Variants in PALS2 observed in about 807,000 individuals in gnomAD.
The protein encoded by PALS2 is protein PALS2.
In PALS2, 27 loss-of-function variants were observed where a neutral mutation model predicts 61.6. The observed-to-expected ratio is 0.44, with a 90% CI of 0.32 to 0.60. The LOEUF (loss-of-function observed/expected upper bound fraction) is 0.60, where lower values mean the gene tolerates loss of function less well. Among genes scored for constraint, PALS2 ranks in the 20% least tolerant of loss-of-function variants. The pLI, the probability that PALS2 is intolerant of heterozygous loss-of-function variation, is 0.05. For missense variants in PALS2, 554 were observed against 639.4 expected, an observed-to-expected ratio of 0.87 and a Z score of 1.44; for synonymous variants, 236 against 218.6, an observed-to-expected ratio of 1.08 and a Z score of -0.70.
intron 2 of PALS2, among the ~76,000 whole-genome samples, chr7:24,636,528 T>G (rs1270524274): frequency 6.6e-6 from 1 of 152,180 alleles, no homozygotes; most frequent in Non-Finnish European, 1.5e-5. Context: ...AAGAGAAGAT[T>G]GTGAATGTTG....
chr7:24,676,688 A>C (rs1001362937), intron 9 of PALS2, among the ~76,000 whole-genome samples: 1 of 151,116 alleles, frequency 6.6e-6, no homozygotes, highest in East Asian at 1.9e-4. Flanking sequence ...ATAGTTGTAG[A>C]TACGCGGCGT....
chr7:24,576,356 A>G (rs1158380324), intron 1 of PALS2, among the ~76,000 whole-genome samples: 1 of 151,922 alleles, frequency 6.6e-6, no homozygotes, highest in Non-Finnish European at 1.5e-5. Context: ...CTGGGGGGAG[A>G]CTTTACAATT....
chr7:24,604,145 A>G (rs1021854832), intron 1 of PALS2, among the ~76,000 whole-genome samples: 1 of 151,646 alleles, frequency 6.6e-6, no homozygotes, highest in African/African-American at 2.4e-5. Context: ...CGGTAGTTCA[A>G]GACTATGATC....
At chr7:24,592,806 T>C (rs1475757083) in intron 1 of PALS2, among the ~76,000 whole-genome samples, 1 of 152,132 alleles carries the variant, frequency 6.6e-6, no homozygotes, top group Admixed American at 6.6e-5. Context: ...TTAAAAATGC[T>C]AGTAATCATC....
chr7:24,603,859 AT>A (rs568443935), intron 1 of PALS2, among the ~76,000 whole-genome samples: 7 of 152,208 alleles, frequency 4.6e-5, no homozygotes, highest in Admixed American at 1.3e-4. Context: ...TGAAAAAAAA[AT>A]AATAAATCTA....
chr7:24,586,755 A>G (rs1025963289), intron 1 of PALS2, among the ~76,000 whole-genome samples: 4 of 152,234 alleles, frequency 2.6e-5, no homozygotes, highest in Non-Finnish European at 5.9e-5. Flanking sequence ...ACAGTGAAGA[A>G]GAGAATGGTA....
chr7:24,667,967 G>A (rs1054183918), intron 8 of PALS2, among the ~76,000 whole-genome samples: 4 of 151,100 alleles, frequency 2.6e-5, no homozygotes, highest in Non-Finnish European at 4.4e-5. Context: ...TGCCCAGCCC[G>A]ATTAGACAAA....
rs1285468577 is a variant in PALS2 at position 24,663,674 on chromosome 7, G to A, written c.736G>A (p.Gly246Arg). ...AGAAGCAGGATTGAAGTTTTCCAAA[G>A]GAGAGATTCTTCAGATTGTAAATAG... ...CKEAGLKFSKGEILQIVNRED... is the reference protein window; with the variant it reads ...CKEAGLKFSKREILQIVNRED... Residue 246 changes from glycine (G) to arginine (R), a missense_variant, in exon 6 of 12, where the codon GGA (glycine) becomes AGA (arginine). Physicochemically the swap from Gly to Arg is moderately radical, Grantham distance 125. Coordinates refer to ENST00000222644, the MANE Select transcript of PALS2 (RefSeq NM_001303037.2). The A allele has an allele frequency of 6.2e-7, 1 of 1,608,936 alleles. No individual in the cohort carries two copies. Among genetic ancestry groups the A allele is most frequent in the African/African-American group, 1.3e-5 (1 of 74,764 alleles).
In PALS2 at chr7:24,670,336, C is replaced by CT. The variant is rs965574566; in HGVS notation, c.1114+1687dup. On this transcript the variant is annotated intron_variant, in intron 9 of 11. Transcript: ENST00000222644. ...ACTTGTTTATCCAGTAAGTCAGGTTCTTTTTTTTTTTCCTGGAGACCTCTG... is the reference window on the plus strand; with the variant it reads ...ACTTGTTTATCCAGTAAGTCAGGTTCTTTTTTTTTTTTCCTGGAGACCTCTG... Among the ~76,000 whole-genome samples the CT allele has an allele frequency of 8.3e-4, 122 of 146,220 alleles. 1 individual carries two copies. Among genetic ancestry groups the CT allele is most frequent in the Middle Eastern group, 3.5e-3 (1 of 286 alleles).
chr7:24,603,478 T>C (rs1347130633), intron 1 of PALS2, among the ~76,000 whole-genome samples: 1 of 152,198 alleles, frequency 6.6e-6, no homozygotes, highest in Non-Finnish European at 1.5e-5. Flanking sequence ...AGGGTTAAGA[T>C]GAGCTCTCCA....
chr7:24,620,788 T>C (rs778090965), intron 1 of PALS2, among the ~76,000 whole-genome samples: 2 of 152,158 alleles, frequency 1.3e-5, no homozygotes, highest in African/African-American at 2.4e-5. Context: ...TTGAGACATA[T>C]ACATTGAAAT....
chr7:24,628,485 T>C (rs1188779913), intron 2 of PALS2, among the ~76,000 whole-genome samples: 2 of 152,204 alleles, frequency 1.3e-5, no homozygotes, highest in South Asian at 2.1e-4. Context: ...ACCACTCTTA[T>C]TCAACGTAGT....
chr7:24,575,577 G>A (rs1162022542), intron 1 of PALS2, among the ~76,000 whole-genome samples: 1 of 152,180 alleles, frequency 6.6e-6, no homozygotes, highest in Non-Finnish European at 1.5e-5. Flanking sequence ...TTTTAAAATT[G>A]AAGTTGCTTG....
In PALS2 at chr7:24,629,491, A is replaced by T. The variant is rs534300502; in HGVS notation, c.117+5707A>T. On this transcript the variant is annotated intron_variant, in intron 2 of 11. Coordinates refer to ENST00000222644, the MANE Select transcript of PALS2 (RefSeq NM_001303037.2). Reference sequence around the variant, plus strand: ...ACAAAAGCCAAAATTGACAAATGGGATCTAACTAAAGAGCTTCTGCACAAC... The same window carrying T: ...ACAAAAGCCAAAATTGACAAATGGGTTCTAACTAAAGAGCTTCTGCACAAC... 4.6e-5 allele frequency among the ~76,000 whole-genome samples: 7 copies of T among 152,360 alleles called. No individual in the cohort carries two copies. The South Asian group carries it at 1.4e-3, about 32-fold the overall frequency.
chr7:24,677,380 T>A (rs1213527472), intron 9 of PALS2, among the ~76,000 whole-genome samples: 1 of 152,050 alleles, frequency 6.6e-6, no homozygotes, highest in Non-Finnish European at 1.5e-5. Context: ...TCTTGCCTAA[T>A]TGCCCTGGCC....
intron 6 of PALS2, among the ~76,000 whole-genome samples, chr7:24,664,222 T>G (rs11979343): frequency 0.056 from 8,550 of 152,208 alleles, 297 homozygotes; most frequent in Non-Finnish European, 0.082. Context: ...CTCTATCAGT[T>G]TTGTTTGGTT....
chr7:24,622,514 G>T (rs1176969673), intron 1 of PALS2, among the ~76,000 whole-genome samples: 2 of 151,726 alleles, frequency 1.3e-5, no homozygotes, highest in African/African-American at 2.4e-5. Context: ...CAACATATTG[G>T]TTGTTTTGTA....
Position 24,663,614 on chromosome 7 carries a change from T to G in PALS2, c.676T>G (p.Tyr226Asp). ...QQVFVKCHFD[Y>D]NPYNDNLIPC... is the part of the protein sequence containing the mutation. ...GGTATTTGTGAAGTGTCATTTTGAT[T>G]ATAATCCATACAATGACAACCTAAT... Residue 226 changes from tyrosine (Y) to aspartate (D), a missense_variant, in exon 6 of 12, where the codon TAT (tyrosine) becomes GAT (aspartate). Transcript: ENST00000222644. 6.3e-7 allele frequency: 1 copy of G among 1,592,952 alleles called. No homozygotes were observed. Among genetic ancestry groups the G allele is most frequent in the Non-Finnish European group, 8.6e-7 (1 of 1,162,340 alleles).
chr7:24,628,825 C>CT (rs1433773639), intron 2 of PALS2, among the ~76,000 whole-genome samples: 1 of 152,162 alleles, frequency 6.6e-6, no homozygotes, highest in Non-Finnish European at 1.5e-5. Context: ...CTACAAACCA[C>CT]TGCTCAAGGA....
Sources: gnomAD v4.1 joint callset for allele counts (sites outside exome capture counted in the v4.1 genomes callset) on GRCh38, gnomAD v4.1.1 for gene constraint, MANE v1.5 for transcripts, NCBI Gene and HGNC (gene_info 2026-07-23, HGNC 2026-07-21) for gene names.